The following VAV3 variants were observed in gnomAD, a reference collection of about 807,000 sequenced individuals.
VAV3 encodes the protein vav guanine nucleotide exchange factor 3.
A neutral mutation model predicts 131.2 loss-of-function variants in VAV3; 94 were observed. That is an observed-to-expected ratio of 0.72 (90% CI 0.61 to 0.85). The LOEUF is 0.85. Among genes scored for constraint, VAV3 ranks in the 40% least tolerant of loss-of-function variants. The pLI is 0.00. For missense variants in VAV3, 939 were observed against 1,002.7 expected (o/e 0.94, Z 0.86); for synonymous variants, 349 against 342.0 (o/e 1.02, Z -0.22).
At chr1:107,780,677 G>A (rs1435117890) in intron 2 of VAV3, among the ~76,000 whole-genome samples, 1 of 152,000 alleles carries the variant, frequency 6.6e-6, no homozygotes, top group Non-Finnish European at 1.5e-5. Context: ...CACCATGCCT[G>A]GCTAATGTTT....
chr1:107,748,096 ATTCC>A (rs1663467055), intron 15 of VAV3, among the ~76,000 whole-genome samples: 2 of 152,196 alleles, frequency 1.3e-5, no homozygotes, highest in African/African-American at 4.8e-5. Flanking sequence ...AAAACATCCT[ATTCC>A]TACCTCTAGT....
At chr1:107,669,374 A>C (rs1657621421) in intron 19 of VAV3, 18 of 1,289,570 alleles carry the variant, frequency 1.4e-5, no homozygotes, top group Non-Finnish European at 1.8e-5. Context: ...CTGCATTTTC[A>C]CCCATGTCCT....
rs150499314 is a variant in VAV3, at chr1:107,744,213, T to TC, written c.1502+4754dup. On this transcript the variant is annotated intron_variant, in intron 15 of 26. Coordinates refer to ENST00000370056, the MANE Select transcript of VAV3 (RefSeq NM_006113.5). ...ATTCTCTTCGTCCCACTACCATTAG[T>TC]CCTTGTGTTTAAAAGATAAACATCC... 3.3e-5 allele frequency among the ~76,000 whole-genome samples: 5 copies of TC among 152,334 alleles called. No homozygotes were observed. The East Asian group carries it at 9.6e-4, about 29-fold the overall frequency.
At chr1:107,587,401 T>C (rs989440594) in intron 25 of VAV3, among the ~76,000 whole-genome samples, 1 of 152,158 alleles carries the variant, frequency 6.6e-6, no homozygotes, top group Non-Finnish European at 1.5e-5. Context: ...ACTAGGAGCC[T>C]GGTTAAATTT....
At chr1:107,743,749 T>C (rs574359739) in intron 15 of VAV3, among the ~76,000 whole-genome samples, 5 of 152,326 alleles carry the variant, frequency 3.3e-5, no homozygotes, top group Middle Eastern at 3.4e-3. Context: ...ACTCTAGATT[T>C]GAAATGTGAG....
intron 15 of VAV3, among the ~76,000 whole-genome samples, chr1:107,711,414 T>A (rs1244027973): frequency 6.6e-6 from 1 of 152,042 alleles, no homozygotes; most frequent in Non-Finnish European, 1.5e-5. Flanking sequence ...TAAATCACAT[T>A]TTTTTTAAGT....
chr1:107,775,298 C>T (rs370694919), intron 4 of VAV3, among the ~76,000 whole-genome samples: 9 of 152,094 alleles, frequency 5.9e-5, no homozygotes, highest in South Asian at 2.1e-4. Flanking sequence ...AAAAGAATAT[C>T]GACTGGGCAC....
chr1:107,606,447 C>A (rs1034758043), intron 22 of VAV3, among the ~76,000 whole-genome samples: 6 of 152,154 alleles, frequency 3.9e-5, no homozygotes, highest in African/African-American at 1.4e-4. Flanking sequence ...TCAGAAGTAT[C>A]TTCAATTTGG....
intron 14 of VAV3, 51 bp from the exon 15 acceptor site, chr1:107,749,128 T>C (rs1663542997): frequency 2.3e-6 from 3 of 1,308,624 alleles, no homozygotes; most frequent in Non-Finnish European, 3.2e-6. Flanking sequence ...ATAACATGTT[T>C]CTAAATTCAC....
intron 22 of VAV3, chr1:107,609,626 C>G (rs1051023322): frequency 1.2e-5 from 3 of 251,600 alleles, no homozygotes; most frequent in Non-Finnish European, 2.2e-5. Flanking sequence ...TTTCTCTCTG[C>G]TTTATTAAAT....
chr1:107,602,971 T>A, intron 23 of VAV3, 76 bp downstream of exon 23: 1 of 1,188,464 alleles, frequency 8.4e-7, no homozygotes. Context: ...TCACCTTCAG[T>A]GTTATACATG....
chr1:107,926,213 G>A (rs1028913620), intron 1 of VAV3, among the ~76,000 whole-genome samples: 2 of 152,054 alleles, frequency 1.3e-5, no homozygotes, highest in Non-Finnish European at 2.9e-5. Context: ...ACCCGGGAGT[G>A]GAGGTTGCAG....
chr1:107,929,741 GCAAA>G (rs1571155046), intron 1 of VAV3, among the ~76,000 whole-genome samples: 1 of 152,246 alleles, frequency 6.6e-6, no homozygotes, highest in African/African-American at 2.4e-5. Context: ...GTTTGCTTGT[GCAAA>G]CAGTTTTGTT....
intron 1 of VAV3, among the ~76,000 whole-genome samples, chr1:107,955,404 T>C (rs1271448221): frequency 1.3e-5 from 2 of 152,128 alleles, no homozygotes; most frequent in African/African-American, 2.4e-5. Flanking sequence ...TGCCTATTTA[T>C]GTATGCCTAT....
chr1:107,699,793 A>G (rs377310582), intron 17 of VAV3, among the ~76,000 whole-genome samples: 1 of 152,162 alleles, frequency 6.6e-6, no homozygotes, highest in Non-Finnish European at 1.5e-5. Context: ...GCAAAGGAGA[A>G]AGAAATCCAG....
intron 1 of VAV3, among the ~76,000 whole-genome samples, chr1:107,922,759 T>C (rs1020020264): frequency 6.6e-6 from 1 of 151,232 alleles, no homozygotes; most frequent in African/African-American, 2.4e-5. Flanking sequence ...GAGACCATCC[T>C]GGCTAACACA....
At chr1:107,928,039 C>T (rs1673247197) in intron 1 of VAV3, among the ~76,000 whole-genome samples, 1 of 152,114 alleles carries the variant, frequency 6.6e-6, no homozygotes, top group South Asian at 2.1e-4. Context: ...TGTGTCACTC[C>T]ACCCCCAGCT....
At chr1:107,831,566 T>C (rs944863469) in intron 2 of VAV3, among the ~76,000 whole-genome samples, 5 of 152,212 alleles carry the variant, frequency 3.3e-5, no homozygotes, top group Non-Finnish European at 7.3e-5. Context: ...ACTTCATCTT[T>C]AATCTCTTAA....
intron 25 of VAV3, among the ~76,000 whole-genome samples, chr1:107,588,510 A>G (rs1237084073): frequency 6.6e-6 from 1 of 152,184 alleles, no homozygotes; most frequent in Non-Finnish European, 1.5e-5. Context: ...AGCAAAACAC[A>G]TAGCACTTCC....
Sources: allele counts gnomAD v4.1 joint callset (sites outside exome capture counted in the v4.1 genomes callset), GRCh38; gene constraint gnomAD v4.1.1; transcripts MANE v1.5; gene names NCBI Gene and HGNC (gene_info 2026-07-23, HGNC 2026-07-21).